Variants in VAX2 observed in about 807,000 individuals in gnomAD.
The protein encoded by VAX2 is ventral anterior homeobox 2.
A neutral mutation model predicts 12.5 loss-of-function variants in VAX2; 8 were observed. The observed-to-expected ratio is 0.64, with a 90% CI of 0.37 to 1.15. The LOEUF (loss-of-function observed/expected upper bound fraction) is 1.15, where lower values mean the gene tolerates loss of function less well. VAX2 is among the 50% of genes most tolerant of loss of function. VAX2 has a pLI of 0.01. For synonymous variants in VAX2, 183 were observed against 187.6 expected (o/e 0.98, Z 0.20); for missense variants, 476 against 412.9 (o/e 1.15, Z -1.32).
intron 2 of VAX2, among the ~76,000 whole-genome samples, chr2:70,932,195 A>C (rs1679707847): frequency 6.6e-6 from 1 of 152,034 alleles, no homozygotes; most frequent in Non-Finnish European, 1.5e-5. Flanking sequence ...TGCATGAGTG[A>C]GTGGAGGCAG....
intron 2 of VAX2, among the ~76,000 whole-genome samples, chr2:70,926,126 A>G (rs782455054): frequency 6.6e-6 from 1 of 151,862 alleles, no homozygotes; most frequent in Non-Finnish European, 1.5e-5. Context: ...TCTGAAACCC[A>G]CTTACAGGAT....
intron 1 of VAX2, among the ~76,000 whole-genome samples, chr2:70,915,676 T>C (rs994634267): frequency 3.9e-4 from 59 of 152,248 alleles, no homozygotes; most frequent in Admixed American, 1.0e-3. Context: ...TTGTTATTTA[T>C]GGAGCGAGAT....
chr2:70,930,860 C>G (rs1679679276), intron 2 of VAX2, among the ~76,000 whole-genome samples: 1 of 152,132 alleles, frequency 6.6e-6, no homozygotes, highest in Admixed American at 6.5e-5. Context: ...GCCCTCCCCT[C>G]CACGGTTCTC....
intron 2 of VAX2, among the ~76,000 whole-genome samples, chr2:70,924,518 T>C (rs1679526765): frequency 6.6e-6 from 1 of 152,222 alleles, no homozygotes; most frequent in Admixed American, 6.5e-5. Flanking sequence ...TTGTTTCCAC[T>C]TTAAATAGAA....
At chr2:70,918,666 G>A (rs1679363749) in intron 1 of VAX2, among the ~76,000 whole-genome samples, 1 of 152,056 alleles carries the variant, frequency 6.6e-6, no homozygotes, top group African/African-American at 2.4e-5. Flanking sequence ...GGTGTCCGAG[G>A]TGGGCAGATC....
At chr2:70,915,834 C>G (rs1391140115) in intron 1 of VAX2, among the ~76,000 whole-genome samples, 1 of 152,104 alleles carries the variant, frequency 6.6e-6, no homozygotes, top group African/African-American at 2.4e-5. Context: ...CTAATATCCC[C>G]TTATCTTGTA....
intron 1 of VAX2, among the ~76,000 whole-genome samples, chr2:70,917,852 G>T (rs1272203031): frequency 6.6e-6 from 1 of 152,104 alleles, no homozygotes; most frequent in Non-Finnish European, 1.5e-5. Context: ...CTTATTAAGG[G>T]GAGGGTAAGA....
chr2:70,932,637 ACCCCACCCCCACCCCCATCCACCACCTG>A, intron 2 of VAX2, 102 bp from the exon 3 acceptor site: 1 of 144,552 alleles, frequency 6.9e-6, no homozygotes, highest in Non-Finnish European at 1.5e-5. Context: ...CCACCCTCAC[ACCCCACCCCCACCCCCATCCACCACCTG>A]CCCCAACCCC....
chr2:70,925,897 C>CTCTCCTCTCCTCTCTTTTTACCTCT (rs1553413479), intron 2 of VAX2, among the ~76,000 whole-genome samples: 2 of 152,020 alleles, frequency 1.3e-5, no homozygotes, highest in African/African-American at 2.4e-5. Context: ...CTGTTTCTTC[C>CTCTCCTCTCCTCTCTTTTTACCTCT]TCTCCTCTCC....
intron 2 of VAX2, among the ~76,000 whole-genome samples, chr2:70,926,260 C>G (rs1422566243): frequency 6.6e-6 from 1 of 152,170 alleles, no homozygotes; most frequent in Non-Finnish European, 1.5e-5. Context: ...TCTGTCCCGG[C>G]CTTGCCCAGA....
chr2:70,917,353 C>A (rs1254283173), intron 1 of VAX2, among the ~76,000 whole-genome samples: 1 of 125,484 alleles, frequency 8.0e-6, no homozygotes, highest in Non-Finnish European at 1.9e-5. Flanking sequence ...AAAACAAAAA[C>A]AAATATTTCA....
chr2:70,927,474 G>C (rs1553413706), intron 2 of VAX2, among the ~76,000 whole-genome samples: 1 of 151,032 alleles, frequency 6.6e-6, no homozygotes, highest in African/African-American at 2.4e-5. Context: ...CAGCACGATA[G>C]ATGGTACCTT....
At chr2:70,913,372 A>AT (rs1679233249) in intron 1 of VAX2, among the ~76,000 whole-genome samples, 1 of 152,176 alleles carries the variant, frequency 6.6e-6, no homozygotes, top group Non-Finnish European at 1.5e-5. Flanking sequence ...TTTAAAATTT[A>AT]TTTTTTATTA....
chr2:70,925,827 C>A (rs568970016), intron 2 of VAX2, among the ~76,000 whole-genome samples: 1 of 152,284 alleles, frequency 6.6e-6, no homozygotes, highest in Admixed American at 6.5e-5. Flanking sequence ...CACAGAACTT[C>A]CTCCCAGTGC....
intron 2 of VAX2, among the ~76,000 whole-genome samples, chr2:70,926,848 G>A (rs1553413614): frequency 6.6e-6 from 1 of 152,116 alleles, no homozygotes; most frequent in Non-Finnish European, 1.5e-5. Flanking sequence ...ATGAGGAAGA[G>A]TTAAGAACCC....
chr2:70,933,236 A>G lies in VAX2; in HGVS notation c.*32A>G. The G allele has an allele frequency of 6.7e-7, 1 of 1,481,532 alleles. No individual in the cohort carries two copies. Among genetic ancestry groups the G allele is most frequent in the Non-Finnish European group, 9.0e-7 (1 of 1,115,268 alleles). 91.8% of individuals were successfully genotyped at this position (1,481,532 alleles called of 1,614,324 possible). On this transcript the variant is annotated 3_prime_UTR_variant, in exon 3 of 3. Transcript: ENST00000234392. Reference sequence around the variant, plus strand: ...CACCCTGTGACACTGAGTCCCGAGCACAGCACCTTCCCAGTCTCCTGTGCC... The same window carrying G: ...CACCCTGTGACACTGAGTCCCGAGCGCAGCACCTTCCCAGTCTCCTGTGCC...
At chr2:70,923,664 T>C (rs916565793) in intron 2 of VAX2, among the ~76,000 whole-genome samples, 5 of 152,174 alleles carry the variant, frequency 3.3e-5, no homozygotes, top group Non-Finnish European at 7.3e-5. Flanking sequence ...ACACCTCCCC[T>C]ACACTTGCTG....
chr2:70,923,980 T>G (rs1679516392), intron 2 of VAX2, among the ~76,000 whole-genome samples: 1 of 152,062 alleles, frequency 6.6e-6, no homozygotes, highest in South Asian at 2.1e-4. Context: ...AAAAAAAGTT[T>G]TTTAAAACAT....
At chr2:70,924,538 G>A (rs1679527339) in intron 2 of VAX2, among the ~76,000 whole-genome samples, 1 of 151,992 alleles carries the variant, frequency 6.6e-6, no homozygotes, top group African/African-American at 2.4e-5. Flanking sequence ...AGGAAACTGA[G>A]GCATAGAAAA....
Sources: gnomAD v4.1 joint callset for allele counts (sites outside exome capture counted in the v4.1 genomes callset) on GRCh38, gnomAD v4.1.1 for gene constraint, MANE v1.5 for transcripts, NCBI Gene and HGNC (gene_info 2026-07-23, HGNC 2026-07-21) for gene names.